Variants in PHACTR2 observed in about 807,000 individuals in gnomAD.
The protein encoded by PHACTR2 is phosphatase and actin regulator 2, also known as chromosome 6 open reading frame 56.
Under a neutral mutation model 76.0 loss-of-function variants are expected in PHACTR2, and 30 were observed. That is an observed-to-expected ratio of 0.39 (90% CI 0.30 to 0.54). PHACTR2 has a LOEUF of 0.54. PHACTR2 is among the 20% of genes least tolerant of loss of function. The pLI is 0.61. For synonymous variants in PHACTR2, 292 were observed against 292.5 expected, an observed-to-expected ratio of 1.00 and a Z score of 0.02; for missense variants, 696 against 781.1, an observed-to-expected ratio of 0.89 and a Z score of 1.30.
At chr6:143,798,674 GTGATGGATTATGTTTAT>G in intron 11 of PHACTR2, among the ~76,000 whole-genome samples, 1 of 152,184 alleles carries the variant, frequency 6.6e-6, no homozygotes, top group Non-Finnish European at 1.5e-5. Context: ...TTCTGTTTAT[GTGATGGATTATGTTTAT>G]TGATTTGTGT....
intron 1 of PHACTR2, among the ~76,000 whole-genome samples, chr6:143,579,090 G>A (rs771638620): frequency 1.3e-5 from 2 of 152,154 alleles, no homozygotes; most frequent in Non-Finnish European, 2.9e-5. Flanking sequence ...TTTTTGTAGA[G>A]ATAGGGTTTT....
At chr6:143,643,303 T>A (rs192170592) in intron 1 of PHACTR2, among the ~76,000 whole-genome samples, 5 of 152,316 alleles carry the variant, frequency 3.3e-5, no homozygotes, top group African/African-American at 1.2e-4. Flanking sequence ...CCCTTCTAGT[T>A]GGAGAATTTT....
Position 143,782,964 on chromosome 6 carries a change from C to T in PHACTR2, c.1646-255C>T, listed in dbSNP as rs1420652693. ...ACAACAAGACATCAGGAAGCAAAAACGTTTAAAATTAGTAAAGCAAACCAG... is the reference window on the plus strand; with the variant it reads ...ACAACAAGACATCAGGAAGCAAAAATGTTTAAAATTAGTAAAGCAAACCAG... On this transcript the variant is annotated intron_variant, in intron 9 of 12. Coordinates refer to ENST00000440869, the MANE Select transcript of PHACTR2 (RefSeq NM_001100164.2). This position sits in a 1 kb window ranked among gnomAD's most constrained non-coding sequence, Gnocchi z 4.6. 3.4e-5 allele frequency among the ~76,000 whole-genome samples: 5 copies of T among 149,064 alleles called. No individual in the cohort carries two copies. The highest frequency in any genetic ancestry group is 9.9e-5 in the African/African-American group (4 of 40,446).
At chr6:143,786,643 A>T (rs555064508) in intron 10 of PHACTR2, among the ~76,000 whole-genome samples, 2 of 152,338 alleles carry the variant, frequency 1.3e-5, no homozygotes, top group Middle Eastern at 3.4e-3. Flanking sequence ...ACAGTTCCAC[A>T]TGGCTGGGGA....
rs9399452 is a variant in PHACTR2, at chr6:143,627,335, A to G, written c.13+19013A>G. On this transcript the variant is annotated intron_variant, in intron 1 of 11. Coordinates refer to the PHACTR2 transcript ENST00000305766. The surrounding 1 kb of genome is among the most constrained non-coding windows in gnomAD (Gnocchi z 4.3). ...AGTTCGATAACTTGCCTTATTCATC[A>G]GACTTAGACCAGAATGATCTTGACT... Among the ~76,000 whole-genome samples, 14,303 of 152,298 alleles carry G rather than the reference A, an allele frequency of 0.094. 760 individuals carry two copies. The highest frequency in any genetic ancestry group is 0.18 in the East Asian group (918 of 5,188).
At chr6:143,632,596 T>C (rs1042220395) in intron 1 of PHACTR2, among the ~76,000 whole-genome samples, 3 of 152,228 alleles carry the variant, frequency 2.0e-5, no homozygotes, top group Non-Finnish European at 4.4e-5. Context: ...CATTGACTCA[T>C]CATTATCACC....
At chr6:143,637,162 A>G (rs1465072399) in intron 1 of PHACTR2, among the ~76,000 whole-genome samples, 1 of 152,170 alleles carries the variant, frequency 6.6e-6, no homozygotes, top group East Asian at 1.9e-4. Flanking sequence ...TGGTGTGCTA[A>G]GCATGTGGTT....
At chr6:143,746,873 T>C (rs989475321) in intron 2 of PHACTR2, among the ~76,000 whole-genome samples, 2 of 152,204 alleles carry the variant, frequency 1.3e-5, no homozygotes, top group African/African-American at 4.8e-5. Context: ...GTTAACTTTT[T>C]TCATTGAAAT....
chr6:143,694,566 TTGCTGGCTCTGTA>T (rs1276915765), intron 1 of PHACTR2, among the ~76,000 whole-genome samples: 2 of 152,352 alleles, frequency 1.3e-5, no homozygotes, highest in East Asian at 3.9e-4. Context: ...GTGTTTGGTT[TTGCTGGCTCTGTA>T]TGCTTTCATT....
Position 143,826,543 on chromosome 6 carries a change from G to A in PHACTR2, c.*2854G>A, listed in dbSNP as rs1431467019. ...CCATCTCCAGGAAGATCCCAGGCAGGAAAGAACTAGACAGATGTAGAAACC... is the reference window on the plus strand; with the variant it reads ...CCATCTCCAGGAAGATCCCAGGCAGAAAAGAACTAGACAGATGTAGAAACC... On this transcript the variant is annotated 3_prime_UTR_variant, in exon 13 of 13. Transcript: ENST00000440869. 1 of 151,744 alleles carries A rather than the reference G, an allele frequency of 6.6e-6. No homozygotes were observed. The highest frequency in any genetic ancestry group is 6.6e-5 in the Admixed American group (1 of 15,264). 9.4% of individuals were successfully genotyped at this position (151,744 alleles called of 1,614,324 possible).
intron 1 of PHACTR2, among the ~76,000 whole-genome samples, chr6:143,584,205 C>A (rs1486458819): frequency 1.3e-5 from 2 of 152,188 alleles, no homozygotes; most frequent in African/African-American, 4.8e-5. Context: ...ACTAGAACCA[C>A]TTCTTGGGGC....
chr6:143,711,856 G>A lies in PHACTR2; in HGVS notation c.47-160G>A, dbSNP rs867761274. The A allele has an allele frequency of 2.9e-5, 22 of 768,570 alleles. 2 individuals carry two copies. The Middle Eastern group carries it at 5.0e-3, about 174-fold the overall frequency. 47.6% of individuals were successfully genotyped at this position (768,570 alleles called of 1,614,324 possible). ...ATTTCTGATTGACTGATTGATATGAGGGAAGTCCTACCAGCTGTGAAATGG... is the reference window on the plus strand; with the variant it reads ...ATTTCTGATTGACTGATTGATATGAAGGAAGTCCTACCAGCTGTGAAATGG... On this transcript the variant is annotated intron_variant, in intron 1 of 12. Transcript: ENST00000440869.
chr6:143,607,851 A>C (rs1775902997), upstream of PHACTR2, among the ~76,000 whole-genome samples: 1 of 152,188 alleles, frequency 6.6e-6, no homozygotes, highest in South Asian at 2.1e-4. Context: ...ATTTAGACAA[A>C]CCCCAAGGAA....
chr6:143,592,891 A>T lies in PHACTR2; in HGVS notation c.217+55684A>T, dbSNP rs1775708110. Among the ~76,000 whole-genome samples, 2 of 150,980 alleles carry T rather than the reference A, an allele frequency of 1.3e-5. No individual in the cohort carries two copies. The highest frequency in any genetic ancestry group is 2.1e-4 in the South Asian group (1 of 4,748). ...GCGAAACCCTGTCTCTACAAAAAATAAAAAAAAATAGCCGGACATGGTGAC... is the reference window on the plus strand; with the variant it reads ...GCGAAACCCTGTCTCTACAAAAAATTAAAAAAAATAGCCGGACATGGTGAC... On this transcript the variant is annotated intron_variant, in intron 1 of 11. Coordinates refer to the PHACTR2 transcript ENST00000367584. The surrounding 1 kb of genome is among the most constrained non-coding windows in gnomAD (Gnocchi z 4.0).
Position 143,618,606 on chromosome 6 carries a change from TG to T in PHACTR2, c.13+10292del, listed in dbSNP as rs11334578. On this transcript the variant is annotated intron_variant, in intron 1 of 11. Transcript: ENST00000305766. This position sits in a 1 kb window ranked among gnomAD's most constrained non-coding sequence, Gnocchi z 5.2. ...TCCACCAGGGACTGGCAGGGGAGGC[TG>T]GGGGGGGATAGGGGTTGAATGTTTC... 0.67 allele frequency among the ~76,000 whole-genome samples: 101,240 copies of T among 151,098 alleles called. 34,751 individuals are homozygous for T. Among genetic ancestry groups the T allele is most frequent in the Middle Eastern group, 0.82 (240 of 294 alleles).
intron 1 of PHACTR2, among the ~76,000 whole-genome samples, chr6:143,670,990 C>G (rs1562264822): frequency 1.3e-5 from 2 of 151,534 alleles, no homozygotes; most frequent in Admixed American, 1.3e-4. Flanking sequence ...GTGGCACGAT[C>G]TCGACTCACT....
At chr6:143,682,178 A>G (rs988217648) in intron 1 of PHACTR2, among the ~76,000 whole-genome samples, 2 of 152,228 alleles carry the variant, frequency 1.3e-5, no homozygotes, top group Non-Finnish European at 2.9e-5. Flanking sequence ...TCTTAACAAT[A>G]TGAAGTCTTC....
chr6:143,606,650 T>C (rs764350463), upstream of PHACTR2, among the ~76,000 whole-genome samples: 18 of 152,106 alleles, frequency 1.2e-4, no homozygotes, highest in Non-Finnish European at 2.1e-4. Flanking sequence ...CTTTTTTTTC[T>C]TAAAAATAGT....
intron 1 of PHACTR2, among the ~76,000 whole-genome samples, chr6:143,682,661 T>A (rs538004108): frequency 2.6e-4 from 40 of 152,262 alleles, no homozygotes; most frequent in Non-Finnish European, 5.0e-4. Context: ...CCTTTTATTT[T>A]ATTTTTTTCT....
Sources: gnomAD v4.1 joint callset for allele counts (sites outside exome capture counted in the v4.1 genomes callset) on GRCh38, gnomAD v4.1.1 for gene constraint, Gnocchi (gnomAD v3.1) non-coding constraint, MANE v1.5 for transcripts, NCBI Gene and HGNC (gene_info 2026-07-23, HGNC 2026-07-21) for gene names.